The following ARHGEF28 variants were observed in gnomAD, a reference collection of about 807,000 sequenced individuals.
ARHGEF28 encodes the protein Rho guanine nucleotide exchange factor 28.
ARHGEF28 carries 152 observed loss-of-function variants against 206.6 expected under a neutral mutation model. The observed-to-expected ratio is 0.74, with a 90% CI of 0.64 to 0.84. The LOEUF is 0.84. ARHGEF28 is among the 40% of genes least tolerant of loss of function. ARHGEF28 has a pLI of 0.00. For synonymous variants in ARHGEF28, 763 were observed against 776.4 expected, an observed-to-expected ratio of 0.98 and a Z score of 0.29; for missense variants, 2,028 against 2,073.2, an observed-to-expected ratio of 0.98 and a Z score of 0.42.
At chr5:73,936,078 T>C (rs1412911939) in intron 35 of ARHGEF28, among the ~76,000 whole-genome samples, 1 of 152,224 alleles carries the variant, frequency 6.6e-6, no homozygotes, top group East Asian at 1.9e-4. Flanking sequence ...CATTTAACAA[T>C]GATCACGATC....
rs1213502423 is a variant in ARHGEF28, at chr5:73,851,292, G to A, written c.1748-1358G>A. Among the ~76,000 whole-genome samples, 5 of 152,096 alleles carry A rather than the reference G, an allele frequency of 3.3e-5. No homozygotes were observed. The East Asian group carries it at 9.6e-4, about 29-fold the overall frequency. ...CCCAGAGGGAAGCTCCCATATGAGAGCTGTAATGCAGATATACAAACCTAG... is the reference window on the plus strand; with the variant it reads ...CCCAGAGGGAAGCTCCCATATGAGAACTGTAATGCAGATATACAAACCTAG... On this transcript the variant is annotated intron_variant, in intron 13 of 35. Transcript: ENST00000513042.
intron 35 of ARHGEF28, among the ~76,000 whole-genome samples, chr5:73,918,954 C>T (rs183237543): frequency 2.0e-5 from 3 of 152,306 alleles, no homozygotes; most frequent in South Asian, 2.1e-4. Flanking sequence ...GCCAGCCTGA[C>T]GCATGTCCCC....
intron 14 of ARHGEF28, among the ~76,000 whole-genome samples, chr5:73,855,422 C>T (rs567041055): frequency 1.9e-4 from 29 of 152,114 alleles, no homozygotes; most frequent in Non-Finnish European, 3.5e-4. Context: ...CAGGTCTTAT[C>T]AACCTCAGCT....
chr5:73,932,545 C>T (rs1366544493), intron 35 of ARHGEF28, among the ~76,000 whole-genome samples: 1 of 152,056 alleles, frequency 6.6e-6, no homozygotes, highest in African/African-American at 2.4e-5. Flanking sequence ...CAATGTAATC[C>T]TATCTTGACT....
intron 2 of ARHGEF28, among the ~76,000 whole-genome samples, chr5:73,725,725 G>A (rs1750232177): frequency 6.6e-6 from 1 of 152,084 alleles, no homozygotes. Context: ...ATATGCTTGG[G>A]GTGTGGTGTA....
At chr5:73,758,218 A>G (rs889342463) in intron 4 of ARHGEF28, among the ~76,000 whole-genome samples, 7 of 152,194 alleles carry the variant, frequency 4.6e-5, no homozygotes, top group East Asian at 3.9e-4. Context: ...CTCCTAACCT[A>G]TGGAGTAGGT....
intron 2 of ARHGEF28, among the ~76,000 whole-genome samples, chr5:73,711,710 G>T (rs1162206308): frequency 6.6e-6 from 1 of 151,784 alleles, no homozygotes; most frequent in Non-Finnish European, 1.5e-5. Context: ...TTTTTTATTG[G>T]TGCTTTGAGA....
chr5:73,737,566 C>T (rs1386289336), intron 2 of ARHGEF28, among the ~76,000 whole-genome samples: 1 of 146,350 alleles, frequency 6.8e-6, no homozygotes, highest in Non-Finnish European at 1.5e-5. Flanking sequence ...GGCTGGAGTG[C>T]AATGGTGTGA....
chr5:73,888,121 C>G (rs139280302), intron 26 of ARHGEF28, among the ~76,000 whole-genome samples: 4,126 of 152,320 alleles, frequency 0.027, 77 homozygotes, highest in Non-Finnish European at 0.041. Flanking sequence ...CTTCCAGCAC[C>G]TGGCTTTCTC....
intron 21 of ARHGEF28, among the ~76,000 whole-genome samples, chr5:73,872,613 C>CA (rs1253329733): frequency 1.3e-5 from 2 of 151,886 alleles, no homozygotes. Flanking sequence ...CTGCTCAATG[C>CA]AAAAATCAAA....
chr5:73,765,364 C>T (rs1181823248), intron 4 of ARHGEF28, among the ~76,000 whole-genome samples: 2 of 152,168 alleles, frequency 1.3e-5, no homozygotes, highest in African/African-American at 4.8e-5. Flanking sequence ...CTGGGCTAGG[C>T]CATATGCAGT....
intron 33 of ARHGEF28, chr5:73,904,627 G>T: frequency 3.8e-6 from 2 of 526,600 alleles, no homozygotes; most frequent in East Asian, 6.0e-5. Flanking sequence ...TCATAAAACA[G>T]TTCATATCTT....
rs1307406736 is a variant in ARHGEF28 at position 73,831,530 on chromosome 5, G to A, written c.1025-808G>A. On this transcript the variant is annotated intron_variant, in intron 9 of 35. Coordinates refer to ENST00000513042, the MANE Select transcript of ARHGEF28 (RefSeq NM_001177693.2). ...TCTGCATGTTAGCAAGCAGTACCGA[G>A]CCAGAACTGCTAGGCTGTGTACTCT... Among the ~76,000 whole-genome samples, 4 of 152,338 alleles carry A rather than the reference G, an allele frequency of 2.6e-5. No individual in the cohort carries two copies. The East Asian group carries it at 7.7e-4, about 29-fold the overall frequency.
At chr5:73,748,243 T>G (rs1001429705) in intron 2 of ARHGEF28, among the ~76,000 whole-genome samples, 14 of 152,214 alleles carry the variant, frequency 9.2e-5, no homozygotes, top group African/African-American at 3.4e-4. Flanking sequence ...GTATGGTAGA[T>G]TTTTCTTGGC....
intron 14 of ARHGEF28, among the ~76,000 whole-genome samples, chr5:73,856,126 C>A (rs1027495843): frequency 6.6e-6 from 1 of 152,072 alleles, no homozygotes; most frequent in Non-Finnish European, 1.5e-5. Flanking sequence ...TGAAAGTGAG[C>A]CTTTTGAATA....
intron 2 of ARHGEF28, among the ~76,000 whole-genome samples, chr5:73,715,159 G>A (rs897724576): frequency 1.3e-5 from 2 of 152,272 alleles, no homozygotes; most frequent in South Asian, 2.1e-4. Flanking sequence ...AAGTAATTGC[G>A]AGGTGGCTGG....
chr5:73,756,635 T>C (rs898326816), intron 4 of ARHGEF28, among the ~76,000 whole-genome samples: 1 of 152,204 alleles, frequency 6.6e-6, no homozygotes, highest in Non-Finnish European at 1.5e-5. Context: ...TGTATGTATG[T>C]AGGGGCTCAT....
intron 2 of ARHGEF28, among the ~76,000 whole-genome samples, chr5:73,738,548 C>T (rs940022668): frequency 6.7e-6 from 1 of 150,116 alleles, no homozygotes; most frequent in African/African-American, 2.5e-5. Flanking sequence ...TGTACGTACA[C>T]CGAGGATAGA....
rs1376093413 is a variant in ARHGEF28 at position 73,828,682 on chromosome 5, TTCTCTTTCTCTTTCTTTCTCTCTG to T, written c.1025-3628_1025-3605del. On this transcript the variant is annotated intron_variant, in intron 9 of 35. Coordinates refer to ENST00000513042, the MANE Select transcript of ARHGEF28 (RefSeq NM_001177693.2). ...TTCCTTTCCTTTCCTTTTCCTTTCTTTCTCTTTCTCTTTCTTTCTCTCTGTCTCTTTCTCTTTCTTTCTCTCTGT... is the reference window on the plus strand; with the variant it reads ...TTCCTTTCCTTTCCTTTTCCTTTCTTTCTCTTTCTCTTTCTTTCTCTCTGT... Among the ~76,000 whole-genome samples, 65 of 151,900 alleles carry T rather than the reference TTCTCTTTCTCTTTCTTTCTCTCTG, an allele frequency of 4.3e-4. No homozygotes were observed. In the South Asian group the frequency reaches 0.014, roughly 32 times the overall value.
Sources: gnomAD v4.1 joint callset for allele counts (sites outside exome capture counted in the v4.1 genomes callset) on GRCh38, gnomAD v4.1.1 for gene constraint, MANE v1.5 for transcripts, NCBI Gene and HGNC (gene_info 2026-07-23, HGNC 2026-07-21) for gene names.